BCO1: variants seen among roughly 807,000 people sequenced by gnomAD.
The protein encoded by BCO1 is beta,beta-carotene 15,15'-dioxygenase.
Under a neutral mutation model 56.3 loss-of-function variants are expected in BCO1, and 54 were observed. That is an observed-to-expected ratio of 0.96 (90% CI 0.77 to 1.20). BCO1 has a LOEUF of 1.20. Ranked by LOEUF, BCO1 falls within the 50% of genes most tolerant of loss-of-function variation. BCO1 has a pLI of 0.00. For missense variants in BCO1, 801 were observed against 690.9 expected (o/e 1.16, Z -1.79); for synonymous variants, 318 against 266.1 (o/e 1.20, Z -1.90).
chr16:81,244,187 G>T (rs1905264374), intron 1 of BCO1, among the ~76,000 whole-genome samples: 1 of 152,242 alleles, frequency 6.6e-6, no homozygotes. Flanking sequence ...AGGGACGAAC[G>T]CTGAGAGGAC....
Position 81,270,405 on chromosome 16 carries a change from C to T in BCO1, c.1090C>T (p.His364Tyr). ...CCTCAGGAGGTTTGCCGTGCCCCTC[C>T]ACGTGGACAAGGTAATGGCTTCCAA... ...PTLRRFAVPL[H>Y]VDKNAEVGTN... Residue 364 changes from histidine (H) to tyrosine (Y), a missense_variant, in exon 7 of 11, where the codon CAC becomes TAC. His to Tyr is a moderately conservative substitution (Grantham distance 83). Coordinates refer to ENST00000258168, the MANE Select transcript of BCO1 (RefSeq NM_017429.3). 1.2e-6 allele frequency: 2 copies of T among 1,614,046 alleles called. No homozygotes were observed. Among genetic ancestry groups the T allele is most frequent in the Non-Finnish European group, 1.7e-6 (2 of 1,180,028 alleles).
At chr16:81,257,366 G>A (rs1366538721) in intron 2 of BCO1, among the ~76,000 whole-genome samples, 1 of 151,962 alleles carries the variant, frequency 6.6e-6, no homozygotes, top group Admixed American at 6.6e-5. Context: ...TTGGGTTCAG[G>A]CAATTCTGTC....
chr16:81,268,709 A>G (rs184436499), intron 6 of BCO1, among the ~76,000 whole-genome samples: 4 of 152,314 alleles, frequency 2.6e-5, no homozygotes. Flanking sequence ...GCATATGTGT[A>G]TGAATACATG....
Position 81,264,628 on chromosome 16 carries a change from C to G in BCO1, c.472-12C>G. On this transcript the variant is annotated splice_polypyrimidine_tract_variant and intron_variant, in intron 4 of 10. Coordinates refer to ENST00000258168, the MANE Select transcript of BCO1 (RefSeq NM_017429.3). ...AAATACTTTAAAAAACAGGAGGTGTCATATCTTGCAGGTTGATTATCGTAA... is the reference window on the plus strand; with the variant it reads ...AAATACTTTAAAAAACAGGAGGTGTGATATCTTGCAGGTTGATTATCGTAA... The G allele has an allele frequency of 1.9e-6, 3 of 1,613,766 alleles. No homozygotes were observed. The highest frequency in any genetic ancestry group is 1.1e-5 in the South Asian group (1 of 91,074).
chr16:81,262,774 C>A (rs1209531785), intron 4 of BCO1: 2 of 232,402 alleles, frequency 8.6e-6, no homozygotes, highest in Non-Finnish European at 1.7e-5. Context: ...TTGCAGTGAG[C>A]CCAGATTGCA....
intron 2 of BCO1, among the ~76,000 whole-genome samples, chr16:81,258,894 T>A (rs1401724436): frequency 2.6e-5 from 4 of 151,988 alleles, no homozygotes; most frequent in Non-Finnish European, 5.9e-5. Flanking sequence ...AAGCTTTGGC[T>A]CATGGCAGAA....
intron 9 of BCO1, among the ~76,000 whole-genome samples, chr16:81,286,473 G>T (rs1908185750): frequency 6.6e-6 from 1 of 152,096 alleles, no homozygotes; most frequent in Non-Finnish European, 1.5e-5. Context: ...CAACAAAGGG[G>T]TTGTATTGTA....
chr16:81,287,610 G>A (rs922917975), intron 10 of BCO1, among the ~76,000 whole-genome samples: 2 of 152,192 alleles, frequency 1.3e-5, no homozygotes, highest in Non-Finnish European at 2.9e-5. Context: ...TGCAAAGTTT[G>A]AGGGTCCCCA....
intron 4 of BCO1, among the ~76,000 whole-genome samples, chr16:81,264,283 T>C (rs923099115): frequency 3.9e-5 from 6 of 152,168 alleles, no homozygotes; most frequent in Non-Finnish European, 8.8e-5. Flanking sequence ...CTTTCTGCAG[T>C]GAGGAATCTT....
chr16:81,242,483 G>A (rs1349724164), intron 1 of BCO1, among the ~76,000 whole-genome samples: 1 of 152,026 alleles, frequency 6.6e-6, no homozygotes, highest in African/African-American at 2.4e-5. Flanking sequence ...TAACAGGCCT[G>A]AGCCACCGCG....
Position 81,290,488 on chromosome 16 carries a change from A to G in BCO1, c.1555A>G (p.Thr519Ala). Residue 519 changes from threonine to alanine, a missense_variant, in exon 11 of 11, where the codon ACA becomes GCA. Thr to Ala is a moderately conservative substitution (Grantham distance 58, BLOSUM62 0). Transcript: ENST00000258168. ...MHMDLHGLFI[T>A]DMDWDTKKQA... ...CATGGATCTCCATGGATTATTCATT[A>G]CAGACATGGACTGGGACACAAAAAA... The G allele has an allele frequency of 6.2e-7, 1 of 1,614,184 alleles. No homozygotes were observed. Among genetic ancestry groups the G allele is most frequent in the Non-Finnish European group, 8.5e-7 (1 of 1,180,022 alleles).
At chr16:81,241,615 GC>G (rs771577778) in intron 1 of BCO1, among the ~76,000 whole-genome samples, 19 of 152,134 alleles carry the variant, frequency 1.2e-4, no homozygotes, top group Non-Finnish European at 2.4e-4. Flanking sequence ...GTGTTCACAA[GC>G]CCTCAGGCGA....
At chr16:81,276,599 G>T (rs1340193765) in intron 7 of BCO1, among the ~76,000 whole-genome samples, 3 of 152,198 alleles carry the variant, frequency 2.0e-5, no homozygotes, top group Non-Finnish European at 4.4e-5. Context: ...AGAACTCTAA[G>T]GAGTCCTGGG....
intron 7 of BCO1, among the ~76,000 whole-genome samples, chr16:81,279,907 G>C (rs373281608): frequency 6.6e-6 from 1 of 152,076 alleles, no homozygotes; most frequent in Non-Finnish European, 1.5e-5. Context: ...AAAATACAGA[G>C]AGGCATACAA....
chr16:81,246,092 G>A (rs1468628968), intron 2 of BCO1, among the ~76,000 whole-genome samples: 3 of 151,924 alleles, frequency 2.0e-5, no homozygotes, highest in Non-Finnish European at 4.4e-5. Flanking sequence ...TGCTCCCAAA[G>A]TGCTGGGATT....
chr16:81,267,869 T>A (rs929304311), intron 5 of BCO1, 39 bp from the exon 6 acceptor site: 1 of 1,587,578 alleles, frequency 6.3e-7, no homozygotes, highest in South Asian at 1.1e-5. Context: ...GGCAGCCAGA[T>A]CCTGCACAAT....
In BCO1 at chr16:81,280,956, T is replaced by C. The variant is rs1005564682; in HGVS notation, c.1201T>C (p.Tyr401His). 2 of 1,613,118 alleles carry C rather than the reference T, an allele frequency of 1.2e-6. No homozygotes were observed. The highest frequency in any genetic ancestry group is 1.7e-6 in the Non-Finnish European group (2 of 1,179,088). ...AGTCTACTGCCAGCCGGAATTTCTT[T>C]ATGAAGGTAAAATGCATCCTCTTGT... The part of the protein sequence containing the change: ...GQVYCQPEFL[Y>H]EGLELPRVNY... Residue 401 changes from tyrosine to histidine, a missense_variant, in exon 8 of 11, where the codon TAT (tyrosine) becomes CAT (histidine). Physicochemically the swap from Tyr to His is moderately conservative, Grantham distance 83. Transcript: ENST00000258168.
intron 6 of BCO1, 63 bp from the exon 7 acceptor site, chr16:81,270,096 C>G: frequency 1.9e-6 from 3 of 1,606,654 alleles, no homozygotes; most frequent in Non-Finnish European, 2.6e-6. Context: ...GTTCAGCCCC[C>G]AGATGCCACA....
rs984485142 is a variant in BCO1 at position 81,280,797 on chromosome 16, C to T, written c.1102-60C>T. ...ATTTTAAAAAATATATACACTAAAGCAAATGTTTGCTCTGGATTACACGTT... is the reference window on the plus strand; with the variant it reads ...ATTTTAAAAAATATATACACTAAAGTAAATGTTTGCTCTGGATTACACGTT... On this transcript the variant is annotated intron_variant, in intron 7 of 10. Coordinates refer to ENST00000258168, the MANE Select transcript of BCO1 (RefSeq NM_017429.3). The T allele has an allele frequency of 6.4e-6, 8 of 1,248,396 alleles. No homozygotes were observed. The African/African-American group carries it at 1.2e-4, about 18-fold the overall frequency. The allele number at this position is 1,248,396 out of a possible 1,614,324, so 77.3% of individuals were successfully genotyped here. A position where few individuals can be genotyped will look rare whatever the true frequency, so the allele number is the denominator to read the frequency against.
Sources: allele counts gnomAD v4.1 joint callset (sites outside exome capture counted in the v4.1 genomes callset), GRCh38; gene constraint gnomAD v4.1.1; transcripts MANE v1.5; gene names NCBI Gene and HGNC (gene_info 2026-07-23, HGNC 2026-07-21).